NCOA1: variants seen among roughly 807,000 people sequenced by gnomAD.
The protein encoded by NCOA1 is nuclear receptor coactivator 1, also known as Hin-2 protein.
In NCOA1, 35 loss-of-function variants were observed where a neutral mutation model predicts 150.9. The observed-to-expected ratio is 0.23, with a 90% CI of 0.18 to 0.31. NCOA1 has a LOEUF of 0.31. Among genes scored for constraint, NCOA1 ranks in the 10% least tolerant of loss-of-function variants. The probability of loss-of-function intolerance (pLI) is 1.00; values close to 1 mark genes in which losing one functional copy is unlikely to be tolerated. For synonymous variants in NCOA1, 590 were observed against 630.0 expected (o/e 0.94, Z 0.95); for missense variants, 1,491 against 1,749.3 (o/e 0.85, Z 2.63).
intron 1 of NCOA1, among the ~76,000 whole-genome samples, chr2:24,533,059 C>T (rs377007633): frequency 1.1e-4 from 16 of 152,268 alleles, no homozygotes; most frequent in Non-Finnish European, 2.2e-4. Context: ...GCCATTTTCA[C>T]GATATTGATT....
chr2:24,752,215 G>T, intron 20 of NCOA1, 59 bp downstream of exon 20: 1 of 1,555,112 alleles, frequency 6.4e-7, no homozygotes, highest in Non-Finnish European at 8.8e-7. Flanking sequence ...CCTTGATACT[G>T]ATAAATGCTA....
intron 20 of NCOA1, 86 bp downstream of exon 20, chr2:24,752,242 G>A: frequency 1.4e-6 from 2 of 1,423,866 alleles, no homozygotes; most frequent in Non-Finnish European, 1.9e-6. Context: ...TTGAACCTCA[G>A]GAACATTATG....
At chr2:24,504,026 C>G (rs563834920) in intron 1 of NCOA1, among the ~76,000 whole-genome samples, 1 of 152,082 alleles carries the variant, frequency 6.6e-6, no homozygotes, top group Non-Finnish European at 1.5e-5. Context: ...TGAGCCACTG[C>G]GCCTGGCTAC....
At chr2:24,547,993 A>AAAAAAAG in intron 1 of NCOA1, among the ~76,000 whole-genome samples, 1 of 151,026 alleles carries the variant, frequency 6.6e-6, no homozygotes, top group African/African-American at 2.4e-5. Flanking sequence ...TGTCTCAAAA[A>AAAAAAAG]AAAAAAAAAA....
rs138680927 is a variant in NCOA1 at position 24,578,462 on chromosome 2, A to T, written c.-259-6014A>T. ...AAAAAGAAAAATAACAAAGTGGAAA[A>T]CACAAATATGACCTTACATGATTAC... On this transcript the variant is annotated intron_variant, in intron 2 of 22. Transcript: ENST00000348332. Among the ~76,000 whole-genome samples the T allele has an allele frequency of 5.4e-3, 824 of 152,296 alleles. 11 individuals are homozygous for T. The highest frequency in any genetic ancestry group is 0.018 in the African/African-American group (756 of 41,578).
chr2:24,629,314 G>A (rs1484910376), intron 3 of NCOA1, among the ~76,000 whole-genome samples: 2 of 151,992 alleles, frequency 1.3e-5, no homozygotes. Flanking sequence ...AAATATAATG[G>A]TGCGTGTAAG....
At chr2:24,600,625 A>G (rs144944031) in intron 3 of NCOA1, among the ~76,000 whole-genome samples, 2 of 152,302 alleles carry the variant, frequency 1.3e-5, no homozygotes, top group Non-Finnish European at 2.9e-5. Context: ...TAATTGGGAT[A>G]TTCCTTGGGC....
chr2:24,547,988 C>CAAAA lies in NCOA1; in HGVS notation c.-395-16290_-395-16287dup, dbSNP rs34669959. The stretch of plus-strand genomic sequence containing the variant: ...TGGGCAACAGAGTGAGACTCTGTCT[C>CAAAA]AAAAAAAAAAAAAAAAAAAAGGATG... On this transcript the variant is annotated intron_variant, in intron 1 of 22. Transcript: ENST00000348332. Among the ~76,000 whole-genome samples, 16 of 74,892 alleles carry CAAAA rather than the reference C, an allele frequency of 2.1e-4. 1 individual carries two copies. Among genetic ancestry groups the CAAAA allele is most frequent in the African/African-American group, 7.8e-4 (13 of 16,696 alleles). 49.1% of individuals were successfully genotyped at this position (74,892 alleles called of 152,430 possible).
At chr2:24,570,150 T>C (rs992059613) in intron 2 of NCOA1, among the ~76,000 whole-genome samples, 11 of 151,052 alleles carry the variant, frequency 7.3e-5, no homozygotes, top group African/African-American at 2.7e-4. Context: ...TCAATCATAA[T>C]ATCCAGGCTG....
At chr2:24,527,569 T>C (rs1664702601) in intron 1 of NCOA1, among the ~76,000 whole-genome samples, 1 of 152,254 alleles carries the variant, frequency 6.6e-6, no homozygotes, top group East Asian at 1.9e-4. Flanking sequence ...TCATGATTAA[T>C]GGACGACTAG....
In NCOA1 at chr2:24,629,809, C is replaced by CATAT. The variant is rs1281547183; in HGVS notation, c.-174-14154_-174-14153insTATA. On this transcript the variant is annotated intron_variant, in intron 3 of 22. Transcript: ENST00000348332. ...ATGTGCCAGACACTGTTTTAAGTAACATACATACATATATATATATATATA... is the reference window on the plus strand; with the variant it reads ...ATGTGCCAGACACTGTTTTAAGTAACATATATACATACATATATATATATATATA... Among the ~76,000 whole-genome samples the CATAT allele has an allele frequency of 5.3e-3, 511 of 97,302 alleles. 4 individuals carry two copies. The highest frequency in any genetic ancestry group is 9.2e-3 in the East Asian group (34 of 3,698). The allele number at this position is 97,302 out of a possible 152,430, so 63.8% of individuals were successfully genotyped here.
At chr2:24,514,285 C>CAAAAAAAAAA (rs57412614) in intron 1 of NCOA1, among the ~76,000 whole-genome samples, 1 of 32,932 alleles carries the variant, frequency 3.0e-5, no homozygotes, top group African/African-American at 1.3e-4. Flanking sequence ...GACTCTGTCT[C>CAAAAAAAAAA]AAAAAAAAAA....
Position 24,752,059 on chromosome 2 carries a change from C to T in NCOA1, c.3784C>T (p.Pro1262Ser), listed in dbSNP as rs772325786. The T allele has an allele frequency of 6.2e-7, 1 of 1,614,174 alleles. No homozygotes were observed. The highest frequency in any genetic ancestry group is 8.5e-7 in the Non-Finnish European group (1 of 1,180,032). ...CTCCATGGTGCCGATGCCAATCCCT[C>T]CTCCTCAGAGTTCTCTTCTCCAGCA... Reference protein sequence around the residue: ...GSSMVPMPIPPPQSSLLQQTP... With the variant: ...GSSMVPMPIPSPQSSLLQQTP... Residue 1262 changes from proline (P) to serine (S), a missense_variant, in exon 20 of 23, where the codon CCT becomes TCT. This residue lies in a region of NCOA1 where 485 missense variants were observed against 522.8 expected (regional missense o/e 0.93). Coordinates refer to ENST00000348332, the MANE Select transcript of NCOA1 (RefSeq NM_003743.5).
rs146210416 is a variant in NCOA1 at position 24,609,994 on chromosome 2, A to G, written c.-175+25434A>G. 3.3e-3 allele frequency among the ~76,000 whole-genome samples: 498 copies of G among 150,758 alleles called. 2 individuals are homozygous for G. The highest frequency in any genetic ancestry group is 0.012 in the African/African-American group (477 of 41,050). The stretch of plus-strand genomic sequence containing the variant: ...TATGACAATTTTATGTCTTTTTCTT[A>G]TTGGCTTTGATTTCATTGCATTGTG... On this transcript the variant is annotated intron_variant, in intron 3 of 22. Transcript: ENST00000348332.
chr2:24,532,258 T>G (rs1239375296), intron 1 of NCOA1, among the ~76,000 whole-genome samples: 1 of 152,248 alleles, frequency 6.6e-6, no homozygotes, highest in Non-Finnish European at 1.5e-5. Context: ...TGTCTTCTTT[T>G]GAGAAGTGTC....
chr2:24,695,286 T>C (rs1007721582), intron 10 of NCOA1, among the ~76,000 whole-genome samples: 1 of 152,038 alleles, frequency 6.6e-6, no homozygotes, highest in Non-Finnish European at 1.5e-5. Flanking sequence ...TAACTATATA[T>C]ATATAGAGAG....
chr2:24,492,034 C>G (rs1402309407), intron 1 of NCOA1: 1 of 152,030 alleles, frequency 6.6e-6, no homozygotes, highest in Admixed American at 6.5e-5. Flanking sequence ...ACGCCGTGAC[C>G]TTGGCCGGCC....
At chr2:24,743,275 A>G (rs1663702989) in intron 19 of NCOA1, among the ~76,000 whole-genome samples, 1 of 152,372 alleles carries the variant, frequency 6.6e-6, no homozygotes, top group Middle Eastern at 3.4e-3. Context: ...TAAAATGTCA[A>G]AGTTATACAG....
intron 3 of NCOA1, among the ~76,000 whole-genome samples, chr2:24,633,693 T>G (rs1669807595): frequency 1.3e-5 from 2 of 152,136 alleles, no homozygotes; most frequent in South Asian, 4.1e-4. Context: ...TCAATAGCAT[T>G]GGGAAGGATA....
Sources: gnomAD v4.1 joint callset for allele counts (sites outside exome capture counted in the v4.1 genomes callset) on GRCh38, gnomAD v4.1.1 for gene constraint, gnomAD v4.1.1 regional missense constraint, MANE v1.5 for transcripts, NCBI Gene and HGNC (gene_info 2026-07-23, HGNC 2026-07-21) for gene names.